The following PAH variants were observed in gnomAD, a reference collection of about 807,000 sequenced individuals.
PAH encodes the protein phenylalanine-4-hydroxylase.
A neutral mutation model predicts 62.0 loss-of-function variants in PAH; 64 were observed. The ratio of observed to expected loss-of-function variants is 1.03; its 90% CI spans 0.84 to 1.27. The LOEUF is 1.27. Among genes scored for constraint, PAH ranks in the 50% most tolerant of loss-of-function variants. The probability of loss-of-function intolerance (pLI) is 0.00; values close to 1 mark genes in which losing one functional copy is unlikely to be tolerated. For synonymous variants in PAH, 195 were observed against 196.2 expected, an observed-to-expected ratio of 0.99 and a Z score of 0.05; for missense variants, 579 against 542.8, an observed-to-expected ratio of 1.07 and a Z score of -0.66.
In PAH at chr12:102,895,869, A is replaced by AATAT. The variant is rs1555208128; in HGVS notation, c.169-955_169-952dup. The stretch of plus-strand genomic sequence containing the variant: ...GACTCTGTCTCAAAAAAAAAAAAAA[A>AATAT]ATATATATATATATATATATATGTA... On this transcript the variant is annotated intron_variant, in intron 2 of 12. Transcript: ENST00000553106. Among the ~76,000 whole-genome samples the AATAT allele has an allele frequency of 5.6e-3, 662 of 118,648 alleles. 5 individuals carry two copies. Among genetic ancestry groups the AATAT allele is most frequent in the East Asian group, 0.019 (84 of 4,308 alleles). The allele number at this position is 118,648 out of a possible 152,430, so 77.8% of individuals were successfully genotyped here.
chr12:102,846,415 T>G (rs1215726160), intron 9 of PAH, among the ~76,000 whole-genome samples: 2 of 152,186 alleles, frequency 1.3e-5, no homozygotes, highest in African/African-American at 2.4e-5. Context: ...TAGAATTGCT[T>G]CTATAGCCCC....
intron 1 of PAH, among the ~76,000 whole-genome samples, chr12:102,935,321 A>G (rs1214852735): frequency 2.0e-5 from 3 of 152,130 alleles, no homozygotes; most frequent in East Asian, 3.8e-4. Flanking sequence ...GGATTTTTGC[A>G]TCAATGTTCT....
At chr12:102,952,927 G>A (rs748239626), upstream of PAH, among the ~76,000 whole-genome samples, 1 of 152,222 alleles carries the variant, frequency 6.6e-6, no homozygotes, top group Non-Finnish European at 1.5e-5. Context: ...TCCAAGGCTG[G>A]TGCAGAGTCA....
chr12:102,858,337 A>T (rs1875542084), intron 5 of PAH, among the ~76,000 whole-genome samples: 2 of 152,216 alleles, frequency 1.3e-5, no homozygotes, highest in Non-Finnish European at 2.9e-5. Context: ...AAGTCGTTAG[A>T]GACCTACAAA....
At chr12:102,954,304 AG>A (rs1190134923), upstream of PAH, among the ~76,000 whole-genome samples, 1 of 152,252 alleles carries the variant, frequency 6.6e-6, no homozygotes, top group East Asian at 1.9e-4. Flanking sequence ...GTGCTGGGAC[AG>A]TGAGACAGAG....
chr12:102,882,642 CTATATATATATATATATA>C (rs869088873), intron 3 of PAH, among the ~76,000 whole-genome samples: 1 of 85,868 alleles, frequency 1.2e-5, no homozygotes, highest in East Asian at 3.7e-4. Context: ...TATATATACA[CTATATATATATATATATA>C]TATATATATA....
intron 5 of PAH, among the ~76,000 whole-genome samples, chr12:102,860,997 A>T (rs188528867): frequency 1.2e-3 from 184 of 152,360 alleles, no homozygotes; most frequent in African/African-American, 4.2e-3. Flanking sequence ...ATATAATTAA[A>T]CTAAAGAGCT....
At chr12:102,886,857 G>T (rs1877062455) in intron 3 of PAH, among the ~76,000 whole-genome samples, 1 of 152,068 alleles carries the variant, frequency 6.6e-6, no homozygotes, top group African/African-American at 2.4e-5. Flanking sequence ...CTATCATGTG[G>T]CTGACACCGA....
chr12:102,843,620 G>A (rs777846905), intron 11 of PAH, 26 bp downstream of exon 11: 4 of 1,613,034 alleles, frequency 2.5e-6, no homozygotes, highest in Non-Finnish European at 2.5e-6. Flanking sequence ...CCCAGAGCTA[G>A]TGGCTCACCT....
rs1184112665 is a variant in PAH, at chr12:102,837,412, A to G, written c.*1763T>C. On this transcript the variant is annotated 3_prime_UTR_variant, in exon 13 of 13. Coordinates refer to ENST00000553106, the MANE Select transcript of PAH (RefSeq NM_000277.3). ...TTAACTTTTCATGTGAAATGAAGAA[A>G]CATCAGAATAATCCCTTTGCAGGGA... 2.6e-5 allele frequency: 4 copies of G among 152,366 alleles called. No homozygotes were observed. The highest frequency in any genetic ancestry group is 5.9e-5 in the Non-Finnish European group (4 of 68,034). 9.4% of individuals were successfully genotyped at this position (152,366 alleles called of 1,614,324 possible).
At position 102,877,694 on chromosome 12, in the gene PAH, A is replaced by G. The variant is rs554803588; in HGVS notation, c.353-144T>C. ...ATAACCCCCAAATTACTATCGTTCAAAAGTTAAACTCCATTTTCCTTAGAA... is the reference window on the plus strand; with the variant it reads ...ATAACCCCCAAATTACTATCGTTCAGAAGTTAAACTCCATTTTCCTTAGAA... On this transcript the variant is annotated intron_variant, in intron 3 of 12. Coordinates refer to ENST00000553106, the MANE Select transcript of PAH (RefSeq NM_000277.3). The G allele has an allele frequency of 1.1e-4, 79 of 711,718 alleles. No individual in the cohort carries two copies. The East Asian group carries it at 2.0e-3, about 18-fold the overall frequency. 44.1% of individuals were successfully genotyped at this position (711,718 alleles called of 1,614,324 possible). A position where few individuals can be genotyped will look rare whatever the true frequency, so the allele number is the denominator to read the frequency against.
chr12:102,914,814 C>A (rs1878325675), intron 1 of PAH, among the ~76,000 whole-genome samples: 2 of 152,158 alleles, frequency 1.3e-5, no homozygotes, highest in Admixed American at 1.3e-4. Context: ...TTGAGTCACC[C>A]CCTAAACCCC....
intron 1 of PAH, chr12:102,958,164 T>C: frequency 8.9e-7 from 1 of 1,126,264 alleles, no homozygotes; most frequent in Non-Finnish European, 1.2e-6. Context: ...GCACCCAAGT[T>C]CTCTCTGTGT....
chr12:102,887,520 G>A (rs1427752925), intron 3 of PAH, among the ~76,000 whole-genome samples: 1 of 152,042 alleles, frequency 6.6e-6, no homozygotes, highest in African/African-American at 2.4e-5. Flanking sequence ...CCACGGAGCT[G>A]GTGGTGACAA....
At chr12:102,882,587 C>T (rs1876857164) in intron 3 of PAH, among the ~76,000 whole-genome samples, 1 of 148,500 alleles carries the variant, frequency 6.7e-6, no homozygotes, top group African/African-American at 2.5e-5. Context: ...TATATATACA[C>T]ATACACGTAT....
chr12:102,918,536 T>C (rs988615435), upstream of PAH, among the ~76,000 whole-genome samples: 2 of 150,298 alleles, frequency 1.3e-5, no homozygotes, highest in South Asian at 2.1e-4. Flanking sequence ...GTTCTACCAC[T>C]GATTTGGTCA....
chr12:102,858,717 A>G (rs1045973254), intron 5 of PAH, among the ~76,000 whole-genome samples: 1 of 152,222 alleles, frequency 6.6e-6, no homozygotes. Context: ...CTGCTCCTGA[A>G]TGACTCCTGG....
chr12:102,867,240 A>T (rs80061894), intron 4 of PAH, among the ~76,000 whole-genome samples: 4,185 of 152,304 alleles, frequency 0.027, 94 homozygotes, highest in South Asian at 0.046. Context: ...GGTTCAGAGA[A>T]GTGGATCCAT....
At chr12:102,892,819 G>T (rs529165002) in intron 3 of PAH, among the ~76,000 whole-genome samples, 1 of 152,276 alleles carries the variant, frequency 6.6e-6, no homozygotes, top group Admixed American at 6.5e-5. Flanking sequence ...GGAGCACAGG[G>T]CATTTTTTAG....
Sources: gnomAD v4.1 joint callset for allele counts (sites outside exome capture counted in the v4.1 genomes callset) on GRCh38, gnomAD v4.1.1 for gene constraint, MANE v1.5 for transcripts, NCBI Gene and HGNC (gene_info 2026-07-23, HGNC 2026-07-21) for gene names.